The following AGXT2 variants were observed in gnomAD, a reference collection of about 807,000 sequenced individuals.
AGXT2 encodes alanine--glyoxylate aminotransferase 2, also known as alanine--glyoxylate aminotransferase 2, mitochondrial.
In AGXT2, 61 loss-of-function variants were observed where a neutral mutation model predicts 62.5. The observed-to-expected ratio is 0.98, with a 90% CI of 0.79 to 1.21. The LOEUF (loss-of-function observed/expected upper bound fraction) is 1.21, where lower values mean the gene tolerates loss of function less well. Among genes scored for constraint, AGXT2 ranks in the 50% most tolerant of loss-of-function variants. AGXT2 has a pLI of 0.00. For synonymous variants in AGXT2, 243 were observed against 218.7 expected (o/e 1.11, Z -0.98); for missense variants, 666 against 641.5 (o/e 1.04, Z -0.41).
At position 34,998,517 on chromosome 5, in the gene AGXT2, T is replaced by C. The variant is rs1766111547; in HGVS notation, c.*202A>G. 1.6e-6 allele frequency: 1 copy of C among 613,526 alleles called. No homozygotes were observed. The highest frequency in any genetic ancestry group is 2.9e-6 in the Non-Finnish European group (1 of 347,032). The allele number at this position is 613,526 out of a possible 1,614,324, so 38.0% of individuals were successfully genotyped here. ...TTATTCTCTGAGCTAGGGAGATCCT[T>C]TCCCTGAAGAATGGAGTTCTCAAGA... On this transcript the variant is annotated 3_prime_UTR_variant, in exon 14 of 14. Transcript: ENST00000231420.
intron 12 of AGXT2, among the ~76,000 whole-genome samples, chr5:35,006,896 C>G (rs1356359604): frequency 1.3e-5 from 2 of 152,136 alleles, no homozygotes; most frequent in Non-Finnish European, 2.9e-5. Context: ...ACACAAAGCA[C>G]TTACCATCTG....
In AGXT2 at chr5:35,039,446, T is replaced by A. The variant is rs757145438; in HGVS notation, c.240A>T (p.Ala80=). Residue 80 remains alanine, a synonymous_variant, in exon 3 of 14, where the codon GCA becomes GCT. Coordinates refer to ENST00000231420, the MANE Select transcript of AGXT2 (RefSeq NM_031900.4). The part of the protein sequence containing the change: ...HKEHLSPVVT[A]YFQKPLLLHQ... ...GGAGCAGCAGGGGTTTCTGGAAATATGCCGTCACCACAGGAGAAAGATGTT... is the reference window on the plus strand; with the variant it reads ...GGAGCAGCAGGGGTTTCTGGAAATAAGCCGTCACCACAGGAGAAAGATGTT... The A allele has an allele frequency of 1.2e-5, 20 of 1,614,126 alleles. No homozygotes were observed. The highest frequency in any genetic ancestry group is 1.5e-5 in the Non-Finnish European group (18 of 1,179,990).
intron 13 of AGXT2, among the ~76,000 whole-genome samples, chr5:35,000,351 C>T (rs1766181442): frequency 6.6e-6 from 1 of 152,024 alleles, no homozygotes; most frequent in South Asian, 2.1e-4. Flanking sequence ...CAGCTTTTTC[C>T]TTCTCCTGCC....
chr5:35,028,673 G>GACT (rs2112252277), intron 7 of AGXT2, among the ~76,000 whole-genome samples: 1 of 150,962 alleles, frequency 6.6e-6, no homozygotes, highest in East Asian at 2.0e-4. Context: ...ATCCATACAT[G>GACT]ACTGAATCTT....
intron 3 of AGXT2, among the ~76,000 whole-genome samples, chr5:35,037,816 A>C (rs537945469): frequency 2.0e-5 from 3 of 152,364 alleles, no homozygotes; most frequent in Admixed American, 6.5e-5. Flanking sequence ...ATTCTTTGAA[A>C]GATTGGGCCA....
intron 9 of AGXT2, among the ~76,000 whole-genome samples, chr5:35,024,066 T>C (rs147227856): frequency 9.1e-4 from 139 of 152,200 alleles, no homozygotes; most frequent in African/African-American, 3.3e-3. Context: ...CTACTTTTTG[T>C]ATTTTTAGTA....
At chr5:35,028,598 AGAGAGAG>A (rs1561226774) in intron 7 of AGXT2, among the ~76,000 whole-genome samples, 20 of 113,124 alleles carry the variant, frequency 1.8e-4, no homozygotes, top group African/African-American at 7.1e-4. Flanking sequence ...AGAGAGAGAG[AGAGAGAG>A]AGAGAGAGAG....
intron 12 of AGXT2, among the ~76,000 whole-genome samples, chr5:35,006,334 AC>A (rs1766416232): frequency 3.3e-5 from 5 of 152,182 alleles, no homozygotes; most frequent in African/African-American, 1.2e-4. Flanking sequence ...GCAAAGGAAT[AC>A]CTGAGACTGG....
rs747755928 is a variant in AGXT2, at chr5:35,039,512, T to G, written c.178-4A>C. 7 of 1,613,376 alleles carry G rather than the reference T, an allele frequency of 4.3e-6. No homozygotes were observed. The Admixed American group carries it at 1.2e-4, about 27-fold the overall frequency. On this transcript the variant is annotated splice_polypyrimidine_tract_variant and splice_region_variant and intron_variant, in intron 2 of 13. Coordinates refer to ENST00000231420, the MANE Select transcript of AGXT2 (RefSeq NM_031900.4). ...GGACACGGTTGTAGCCAAGGGACTG[T>G]AGATAAACAAGATTTAAACCCACAC...
intron 12 of AGXT2, among the ~76,000 whole-genome samples, chr5:35,004,398 C>A (rs983067878): frequency 3.9e-5 from 6 of 152,140 alleles, no homozygotes; most frequent in African/African-American, 1.4e-4. Flanking sequence ...TCTTTCTCCC[C>A]CAAGACTGCA....
intron 7 of AGXT2, among the ~76,000 whole-genome samples, chr5:35,029,926 T>A (rs1475006034): frequency 6.6e-6 from 1 of 152,180 alleles, no homozygotes; most frequent in East Asian, 1.9e-4. Context: ...TTGGGAGGGA[T>A]GACATATTTC....
Position 35,010,023 on chromosome 5 carries a change from C to T in AGXT2, c.1315G>A (p.Gly439Ser). The change falls in exon 12 of 14, where the codon GGC becomes AGC. Residue 439 changes from glycine to serine, a missense_variant. Physicochemically the swap from Gly to Ser is moderately conservative, Grantham distance 56. Coordinates refer to ENST00000231420, the MANE Select transcript of AGXT2 (RefSeq NM_031900.4). ...ACCTTATCCTGCACCATTTCTATGCCTATCATGAGACCTTTGCCTCGGACG... is the reference window on the plus strand; with the variant it reads ...ACCTTATCCTGCACCATTTCTATGCTTATCATGAGACCTTTGCCTCGGACG... The part of the protein sequence containing the change: ...GDVRGKGLMI[G>S]IEMVQDKISC... 6.2e-7 allele frequency: 1 copy of T among 1,614,200 alleles called. No homozygotes were observed. The highest frequency in any genetic ancestry group is 8.5e-7 in the Non-Finnish European group (1 of 1,180,036).
rs190051871 is a variant in AGXT2, at chr5:34,999,760, C to T, written c.1438-934G>A. ...TTCTCAGAAAATTGAAGCTGCCACG[C>T]AAGACAAACTTGTTTGCTCTCACAT... On this transcript the variant is annotated intron_variant, in intron 13 of 13. Transcript: ENST00000231420. Among the ~76,000 whole-genome samples the T allele has an allele frequency of 5.3e-5, 8 of 152,278 alleles. No individual in the cohort carries two copies. The East Asian group carries it at 1.4e-3, about 26-fold the overall frequency.
intron 9 of AGXT2, among the ~76,000 whole-genome samples, chr5:35,024,695 G>A (rs569653659): frequency 3.9e-5 from 6 of 152,284 alleles, no homozygotes; most frequent in East Asian, 3.9e-4. Flanking sequence ...TCGGCCAGGC[G>A]CGGTGGCTCA....
intron 9 of AGXT2, among the ~76,000 whole-genome samples, chr5:35,024,901 C>T (rs1412481376): frequency 6.6e-6 from 1 of 151,602 alleles, no homozygotes; most frequent in Non-Finnish European, 1.5e-5. Context: ...ACCTGGGAGG[C>T]AGAGGCTGTG....
intron 1 of AGXT2, among the ~76,000 whole-genome samples, chr5:35,044,452 C>T (rs1768109606): frequency 6.6e-6 from 1 of 152,176 alleles, no homozygotes; most frequent in South Asian, 2.1e-4. Flanking sequence ...CTGTGGAGGT[C>T]CCCTCTGTCC....
intron 9 of AGXT2, among the ~76,000 whole-genome samples, chr5:35,014,532 G>T (rs1489230321): frequency 1.3e-5 from 2 of 151,366 alleles, no homozygotes; most frequent in Non-Finnish European, 2.9e-5. Context: ...CCTCATGATG[G>T]CCATCATCAG....
chr5:34,999,922 A>G (rs558333463), intron 13 of AGXT2, among the ~76,000 whole-genome samples: 17 of 152,110 alleles, frequency 1.1e-4, no homozygotes, highest in Non-Finnish European at 2.5e-4. Context: ...ACTTCCCCTT[A>G]GCCTATAAAC....
chr5:35,045,183 A>G (rs1324993009), intron 1 of AGXT2, among the ~76,000 whole-genome samples: 2 of 152,382 alleles, frequency 1.3e-5, no homozygotes, highest in African/African-American at 4.8e-5. Flanking sequence ...GTGATTGTGC[A>G]TATCAAAGTG....
Sources: gnomAD v4.1 joint callset for allele counts (sites outside exome capture counted in the v4.1 genomes callset) on GRCh38, gnomAD v4.1.1 for gene constraint, MANE v1.5 for transcripts, NCBI Gene and HGNC (gene_info 2026-07-23, HGNC 2026-07-21) for gene names.